Variants in NPIPB2 observed in about 807,000 individuals in gnomAD.
The protein encoded by NPIPB2 is nuclear pore complex interacting protein family member B2, also known as nuclear pore complex-interacting protein family member B2.
A neutral mutation model predicts 30.8 loss-of-function variants in NPIPB2; 27 were observed. The observed-to-expected ratio is 0.88, with a 90% CI of 0.65 to 1.21. NPIPB2 has a LOEUF of 1.21. Among genes scored for constraint, NPIPB2 ranks in the 50% most tolerant of loss-of-function variants. The pLI is 0.00. For synonymous variants in NPIPB2, 147 were observed against 162.0 expected (o/e 0.91, Z 0.70); for missense variants, 440 against 446.2 (o/e 0.99, Z 0.13).
Position 11,947,334 on chromosome 16 carries a change from A to ATATT in NPIPB2, c.-583-5224_-583-5221dup, listed in dbSNP as rs1411895167. Among the ~76,000 whole-genome samples, 63 of 144,940 alleles carry ATATT rather than the reference A, an allele frequency of 4.3e-4. 1 individual carries two copies. The highest frequency in any genetic ancestry group is 2.2e-3 in the East Asian group (11 of 5,078). Reference sequence around the variant, plus strand: ...TTTATTTATTTATTTATATATATATATATTTATTTATTTATTATTTATTTT... The same window carrying ATATT: ...TTTATTTATTTATTTATATATATATATATTTATTTATTTATTTATTATTTATTTT... On this transcript the variant is annotated intron_variant, in intron 1 of 5. Coordinates refer to the NPIPB2 transcript ENST00000538896.
intron 1 of NPIPB2, among the ~76,000 whole-genome samples, chr16:11,955,538 T>C (rs1245645944): frequency 2.0e-5 from 3 of 150,786 alleles, no homozygotes; most frequent in Non-Finnish European, 4.4e-5. Flanking sequence ...TGAAACCCTG[T>C]CTCTACTAAA....
At chr16:11,961,213 T>C (rs550797484) in intron 1 of NPIPB2, among the ~76,000 whole-genome samples, 1 of 152,226 alleles carries the variant, frequency 6.6e-6, no homozygotes, top group East Asian at 1.9e-4. Flanking sequence ...GTTTGTCCTG[T>C]CTCCTTTGCC....
chr16:11,949,359 A>G (rs1380223574), intron 1 of NPIPB2, among the ~76,000 whole-genome samples: 1 of 152,140 alleles, frequency 6.6e-6, no homozygotes, highest in African/African-American at 2.4e-5. Flanking sequence ...AGCAAGGTGA[A>G]GTTGTGTGAC....
intron 1 of NPIPB2, among the ~76,000 whole-genome samples, chr16:11,971,643 C>T (rs1045331987): frequency 3.3e-5 from 5 of 151,880 alleles, no homozygotes; most frequent in East Asian, 2.0e-4. Flanking sequence ...TACAACTGTG[C>T]GGCACCAAGC....
At chr16:11,942,024 C>T (rs1291472645) in exon 1 of NPIPB2, 1 of 1,351,148 alleles carries the variant, frequency 7.4e-7, no homozygotes. Flanking sequence ...CTCAGCCATT[C>T]ATATCCTAAG....
intron 1 of NPIPB2, chr16:11,965,444 T>C (rs2055185988): frequency 3.1e-6 from 5 of 1,614,192 alleles, no homozygotes; most frequent in East Asian, 2.2e-5. Context: ...GTCAGCGTTA[T>C]TGTAATGCAA....
At chr16:11,973,784 C>T (rs999695778) in intron 1 of NPIPB2, among the ~76,000 whole-genome samples, 13 of 152,050 alleles carry the variant, frequency 8.5e-5, no homozygotes, top group Admixed American at 3.9e-4. Flanking sequence ...GTGTGAGCCA[C>T]CGCACCCAGC....
chr16:11,969,064 A>C (rs1291310293), intron 1 of NPIPB2, among the ~76,000 whole-genome samples: 1 of 151,478 alleles, frequency 6.6e-6, no homozygotes, highest in African/African-American at 2.4e-5. Flanking sequence ...ATGGGGTTTC[A>C]CTGTGTTGGT....
chr16:11,946,180 G>A (rs1421572111), upstream of NPIPB2, among the ~76,000 whole-genome samples: 1 of 152,004 alleles, frequency 6.6e-6, no homozygotes, highest in African/African-American at 2.4e-5. Context: ...GAGGTCAGGA[G>A]TTCAAGACCA....
Position 11,933,926 on chromosome 16 carries a change from T to G in NPIPB2, c.193-2A>C. The G allele has an allele frequency of 3.3e-6, 5 of 1,530,750 alleles. No individual in the cohort carries two copies. The highest frequency in any genetic ancestry group is 4.5e-6 in the Non-Finnish European group (5 of 1,119,174). 94.8% of individuals were successfully genotyped at this position (1,530,750 alleles called of 1,614,324 possible). A position where few individuals can be genotyped will look rare whatever the true frequency, so the allele number is the denominator to read the frequency against. ...GAAGATAGTCTTCAGGAAAGACAAC[T>G]AGGAAATAATAATATAAGAATGACG... On this transcript the variant is annotated splice_acceptor_variant, in intron 2 of 7. Coordinates refer to ENST00000399147, the Ensembl canonical transcript of NPIPB2. LOFTEE classifies it high-confidence loss of function.
At chr16:11,965,190 C>T in intron 1 of NPIPB2, 1 of 1,154,344 alleles carries the variant, frequency 8.7e-7, no homozygotes, top group Non-Finnish European at 1.2e-6. Context: ...CCGTAAGAAC[C>T]CACGAAGCAG....
intron 1 of NPIPB2, among the ~76,000 whole-genome samples, chr16:11,961,338 T>G (rs1267085064): frequency 6.6e-6 from 1 of 152,108 alleles, no homozygotes; most frequent in African/African-American, 2.4e-5. Context: ...CCTCACCACC[T>G]GGACCCCAGA....
rs183290740 is a variant in NPIPB2 at position 11,947,535 on chromosome 16, G to A, written c.-583-5421C>T. On this transcript the variant is annotated intron_variant, in intron 1 of 5. Coordinates refer to the NPIPB2 transcript ENST00000538896. ...AATTTTTTGTACTTTTAGTAGAGAC[G>A]GGGTTTCACCGTATTAGCCAGGAGG... 8.1e-4 allele frequency among the ~76,000 whole-genome samples: 122 copies of A among 151,280 alleles called. 1 individual carries two copies. Among genetic ancestry groups the A allele is most frequent in the Middle Eastern group, 3.4e-3 (1 of 294 alleles).
rs377321096 is a variant in NPIPB2, at chr16:11,967,550, T to C, written c.-584+9018A>G. On this transcript the variant is annotated intron_variant, in intron 1 of 5. Coordinates refer to the NPIPB2 transcript ENST00000538896. ...TTCTCTGTGAAGTTTGGGTTAATGT[T>C]TCCGTTTCTACATAATTAGGATCAG... 11 of 1,602,390 alleles carry C rather than the reference T, an allele frequency of 6.9e-6. No homozygotes were observed. The African/African-American group carries it at 1.5e-4, about 21-fold the overall frequency.
In NPIPB2 at chr16:11,967,660, T is replaced by G. The variant is rs1225683758; in HGVS notation, c.-584+8908A>C. 3 of 1,614,034 alleles carry G rather than the reference T, an allele frequency of 1.9e-6. No homozygotes were observed. The African/African-American group carries it at 4.0e-5, about 22-fold the overall frequency. The stretch of plus-strand genomic sequence containing the variant: ...CTTCCGAGAGGCCTCGAGTACACGG[T>G]GGAAGAATGCACCTGTGAAGACTGC... On this transcript the variant is annotated intron_variant, in intron 1 of 5. Coordinates refer to the NPIPB2 transcript ENST00000538896.
intron 1 of NPIPB2, chr16:11,968,013 G>T (rs2055209775): frequency 2.7e-6 from 2 of 738,980 alleles, no homozygotes; most frequent in African/African-American, 3.6e-5. Flanking sequence ...GTTACTGTTG[G>T]GAGCTTAATG....
At chr16:11,957,169 T>TC (rs1278442324) in intron 1 of NPIPB2, among the ~76,000 whole-genome samples, 5 of 147,686 alleles carry the variant, frequency 3.4e-5, no homozygotes, top group African/African-American at 1.2e-4. Flanking sequence ...CTTTTTCTTT[T>TC]TTTTTTTTTT....
intron 1 of NPIPB2, among the ~76,000 whole-genome samples, chr16:11,952,759 T>A (rs759998883): frequency 6.6e-6 from 1 of 151,774 alleles, no homozygotes; most frequent in Non-Finnish European, 1.5e-5. Flanking sequence ...AGAGATAGGG[T>A]TTTGCAATGT....
chr16:11,971,670 T>A lies in NPIPB2; in HGVS notation c.-584+4898A>T, dbSNP rs554841501. Among the ~76,000 whole-genome samples, 14 of 151,766 alleles carry A rather than the reference T, an allele frequency of 9.2e-5. 1 individual carries two copies. The South Asian group carries it at 2.7e-3, about 29-fold the overall frequency. On this transcript the variant is annotated intron_variant, in intron 1 of 5. Coordinates refer to the NPIPB2 transcript ENST00000538896. ...GCACCAAGCTCAGCTAATTTTTGTA[T>A]TTTTAGTAGAGATGGGGTTTTGCCA...
Sources: allele counts gnomAD v4.1 joint callset (sites outside exome capture counted in the v4.1 genomes callset), GRCh38; gene constraint gnomAD v4.1.1; transcripts MANE v1.5; gene names NCBI Gene and HGNC (gene_info 2026-07-23, HGNC 2026-07-21).